Variants in GRM5 observed in about 807,000 individuals in gnomAD.
GRM5 encodes glutamate metabotropic receptor 5.
Under a neutral mutation model 83.1 loss-of-function variants are expected in GRM5, and 19 were observed. That is an observed-to-expected ratio of 0.23 (90% CI 0.16 to 0.34). The LOEUF (loss-of-function observed/expected upper bound fraction) is 0.34, where lower values mean the gene tolerates loss of function less well. GRM5 is among the 10% of genes least tolerant of loss of function. The pLI, the probability that GRM5 is intolerant of heterozygous loss-of-function variation, is 1.00. For missense variants in GRM5, 1,160 were observed against 1,588.3 expected (o/e 0.73, Z 4.58); for synonymous variants, 675 against 633.6 (o/e 1.07, Z -0.98).
At chr11:88,529,744 A>G (rs906077352) in intron 8 of GRM5, among the ~76,000 whole-genome samples, 70 of 151,992 alleles carry the variant, frequency 4.6e-4, no homozygotes, top group African/African-American at 1.4e-3. Context: ...TAGCGATAAT[A>G]CAGATGAAAA....
At chr11:88,582,481 A>G (rs112150186) in intron 7 of GRM5, among the ~76,000 whole-genome samples, 73 of 152,364 alleles carry the variant, frequency 4.8e-4, no homozygotes, top group African/African-American at 1.6e-3. Flanking sequence ...TGAATGATAG[A>G]TAGCCAGCTG....
chr11:89,065,883 G>C lies in GRM5; in HGVS notation c.-308C>G, dbSNP rs947641523. ...CTGGAGCGCTAGTGTCGGCGATGGA[G>C]GCAGCGGTGACAGCAGGCAGAACGG... On this transcript the variant is annotated 5_prime_UTR_variant, in exon 1 of 10. Transcript: ENST00000305447. 2.0e-5 allele frequency: 3 copies of C among 152,222 alleles called. No individual in the cohort carries two copies. Among genetic ancestry groups the C allele is most frequent in the Admixed American group, 6.5e-5 (1 of 15,290 alleles). 9.4% of individuals were successfully genotyped at this position (152,222 alleles called of 1,614,324 possible).
intron 3 of GRM5, among the ~76,000 whole-genome samples, chr11:88,666,002 A>T (rs1453350935): frequency 6.6e-6 from 1 of 152,178 alleles, no homozygotes; most frequent in Admixed American, 6.5e-5. Flanking sequence ...CTAGTATTAC[A>T]TTTAAAATCT....
At chr11:88,729,024 G>A (rs1781101282) in intron 3 of GRM5, among the ~76,000 whole-genome samples, 1 of 152,156 alleles carries the variant, frequency 6.6e-6, no homozygotes, top group Non-Finnish European at 1.5e-5. Context: ...TCTGGCTAGG[G>A]CAATCAGGCA....
At chr11:88,643,639 A>T (rs1490776699) in intron 4 of GRM5, among the ~76,000 whole-genome samples, 1 of 152,172 alleles carries the variant, frequency 6.6e-6, no homozygotes, top group Admixed American at 6.5e-5. Context: ...TGGTGCAAGG[A>T]TGAGGAATCT....
At chr11:88,676,559 T>TA (rs1940334370) in intron 3 of GRM5, among the ~76,000 whole-genome samples, 2 of 152,152 alleles carry the variant, frequency 1.3e-5, no homozygotes, top group South Asian at 4.1e-4. Context: ...TACAATGATT[T>TA]AAATATGCAC....
chr11:88,745,818 G>A (rs377147839), intron 3 of GRM5, among the ~76,000 whole-genome samples: 10 of 152,218 alleles, frequency 6.6e-5, no homozygotes, highest in African/African-American at 1.9e-4. Flanking sequence ...CCACCTCAGC[G>A]TTTTTATTCA....
At chr11:88,850,742 A>G (rs1437893042) in intron 2 of GRM5, among the ~76,000 whole-genome samples, 1 of 151,924 alleles carries the variant, frequency 6.6e-6, no homozygotes, top group East Asian at 1.9e-4. Context: ...TCGCAGGTGA[A>G]TGTGTAAACT....
intron 4 of GRM5, among the ~76,000 whole-genome samples, chr11:88,616,068 G>T (rs1233248838): frequency 6.6e-6 from 1 of 151,944 alleles, no homozygotes; most frequent in South Asian, 2.1e-4. Context: ...ACCTTTCTGT[G>T]CCTGAAAAAA....
At chr11:88,663,472 T>C (rs1939957687) in intron 3 of GRM5, among the ~76,000 whole-genome samples, 2 of 152,358 alleles carry the variant, frequency 1.3e-5, no homozygotes, top group Middle Eastern at 3.4e-3. Flanking sequence ...AAATTGAGGC[T>C]ATTGTATAAA....
At chr11:88,663,032 T>C (rs1479264133) in intron 3 of GRM5, among the ~76,000 whole-genome samples, 1 of 152,200 alleles carries the variant, frequency 6.6e-6, no homozygotes, top group East Asian at 1.9e-4. Flanking sequence ...AAGCTTCTAA[T>C]TTTGTTATAA....
chr11:89,009,076 C>T lies in GRM5; in HGVS notation c.661+38136G>A, dbSNP rs778579111. On this transcript the variant is annotated intron_variant, in intron 2 of 9. Transcript: ENST00000305447. ...TCAATGTCTGATCCCTCTTACGCAT[C>T]TCTTCCTTCTTTGTCCCTCTACCTA... 5.4e-6 allele frequency: 4 copies of T among 744,342 alleles called. No individual in the cohort carries two copies. The Admixed American group carries it at 5.5e-5, about 10-fold the overall frequency. The allele number at this position is 744,342 out of a possible 1,614,324, so 46.1% of individuals were successfully genotyped here.
intron 2 of GRM5, among the ~76,000 whole-genome samples, chr11:88,887,050 ACT>A (rs1213673113): frequency 6.6e-6 from 1 of 151,888 alleles, no homozygotes; most frequent in African/African-American, 2.4e-5. Context: ...TTACCCAAAC[ACT>A]CTAGCTAACC....
intron 2 of GRM5, among the ~76,000 whole-genome samples, chr11:88,872,437 C>T (rs1312990468): frequency 1.3e-5 from 2 of 151,358 alleles, no homozygotes; most frequent in Admixed American, 6.6e-5. Context: ...TCCTTCAAGA[C>T]CTTTATATTT....
intron 2 of GRM5, among the ~76,000 whole-genome samples, chr11:88,940,953 T>C (rs192193529): frequency 6.6e-6 from 1 of 152,026 alleles, no homozygotes; most frequent in African/African-American, 2.4e-5. Context: ...TATGTGACAA[T>C]GTGTTAAGTG....
intron 3 of GRM5, among the ~76,000 whole-genome samples, chr11:88,682,078 T>C (rs1357290480): frequency 6.6e-6 from 1 of 152,224 alleles, no homozygotes; most frequent in Non-Finnish European, 1.5e-5. Flanking sequence ...GGTTACTGTT[T>C]GATTTAAATC....
intron 4 of GRM5, among the ~76,000 whole-genome samples, chr11:88,611,077 T>C (rs1490917473): frequency 6.6e-6 from 1 of 152,204 alleles, no homozygotes; most frequent in Non-Finnish European, 1.5e-5. Flanking sequence ...TACTTGATGG[T>C]GGTTAATTAA....
chr11:88,664,645 C>T (rs1364258917), intron 3 of GRM5, among the ~76,000 whole-genome samples: 1 of 151,968 alleles, frequency 6.6e-6, no homozygotes, highest in Non-Finnish European at 1.5e-5. Flanking sequence ...CGGGGTTTCA[C>T]CATGTTGGCC....
chr11:88,886,145 C>T (rs1945040848), intron 2 of GRM5, among the ~76,000 whole-genome samples: 1 of 152,170 alleles, frequency 6.6e-6, no homozygotes, highest in African/African-American at 2.4e-5. Flanking sequence ...CCTTTCCACT[C>T]AGAGACCTGT....
Sources: allele counts gnomAD v4.1 joint callset (sites outside exome capture counted in the v4.1 genomes callset), GRCh38; gene constraint gnomAD v4.1.1; transcripts MANE v1.5; gene names NCBI Gene and HGNC (gene_info 2026-07-23, HGNC 2026-07-21).